The following FAM135A variants were observed in gnomAD, a reference collection of about 807,000 sequenced individuals.
FAM135A encodes the protein protein FAM135A.
Under a neutral mutation model 146.8 loss-of-function variants are expected in FAM135A, and 79 were observed. That is an observed-to-expected ratio of 0.54 (90% CI 0.45 to 0.65). The LOEUF is 0.65. Ranked by LOEUF, FAM135A falls within the 30% of genes least tolerant of loss-of-function variation. The probability of loss-of-function intolerance (pLI) is 0.00; values close to 1 mark genes in which losing one functional copy is unlikely to be tolerated. For missense variants in FAM135A, 1,623 were observed against 1,758.2 expected (o/e 0.92, Z 1.38); for synonymous variants, 562 against 603.6 (o/e 0.93, Z 1.01).
chr6:70,450,378 C>T (rs1390215449), intron 4 of FAM135A, among the ~76,000 whole-genome samples: 3 of 152,054 alleles, frequency 2.0e-5, no homozygotes, highest in Non-Finnish European at 4.4e-5. Flanking sequence ...CTTGTGTTTT[C>T]TTCTAGTAGT....
At chr6:70,486,871 G>T (rs1164085294) in intron 10 of FAM135A, among the ~76,000 whole-genome samples, 1 of 152,098 alleles carries the variant, frequency 6.6e-6, no homozygotes, top group Non-Finnish European at 1.5e-5. Flanking sequence ...AGATTGCAGT[G>T]AGCCGAGATC....
At chr6:70,557,109 C>T in intron 21 of FAM135A, 1 of 555,508 alleles carries the variant, frequency 1.8e-6, no homozygotes. Context: ...AGAAGTAGTT[C>T]ATACTTTGAT....
rs568321766 is a variant in FAM135A at position 70,420,469 on chromosome 6, C to T, written c.-134+5093C>T. ...ACGTCTCCCACATTTTTCCAGATATCCATGCCTGGACTCTCCTTTGTGGAT... is the reference window on the plus strand; with the variant it reads ...ACGTCTCCCACATTTTTCCAGATATTCATGCCTGGACTCTCCTTTGTGGAT... On this transcript the variant is annotated intron_variant, in intron 2 of 21. Transcript: ENST00000418814. 7.9e-5 allele frequency among the ~76,000 whole-genome samples: 12 copies of T among 152,310 alleles called. No homozygotes were observed. The South Asian group carries it at 2.3e-3, about 29-fold the overall frequency.
chr6:70,535,948 T>G (rs1796711279), intron 18 of FAM135A: 1 of 179,612 alleles, frequency 5.6e-6, no homozygotes, highest in Non-Finnish European at 1.2e-5. Flanking sequence ...AAGGCAAATA[T>G]GTAATCTAGT....
At chr6:70,453,740 T>C (rs564699239) in intron 5 of FAM135A, among the ~76,000 whole-genome samples, 2 of 152,278 alleles carry the variant, frequency 1.3e-5, no homozygotes, top group East Asian at 3.9e-4. Context: ...CAAAGGACAT[T>C]AACTCATCCA....
chr6:70,415,078 A>G (rs983011911), intron 1 of FAM135A, among the ~76,000 whole-genome samples: 2 of 152,218 alleles, frequency 1.3e-5, no homozygotes, highest in African/African-American at 4.8e-5. Context: ...CTTTAGAATT[A>G]GTGTGCTTAT....
intron 4 of FAM135A, among the ~76,000 whole-genome samples, chr6:70,444,076 T>C (rs1257121593): frequency 6.6e-6 from 1 of 152,238 alleles, no homozygotes; most frequent in Non-Finnish European, 1.5e-5. Flanking sequence ...GCTTACTTCA[T>C]ATTTTGTTTT....
intron 19 of FAM135A, among the ~76,000 whole-genome samples, chr6:70,538,015 G>A (rs922257985): frequency 1.3e-5 from 2 of 152,032 alleles, no homozygotes; most frequent in African/African-American, 2.4e-5. Flanking sequence ...TTTCCAGTTT[G>A]TTCTTCATAT....
At chr6:70,550,290 T>G (rs1799581101) in intron 20 of FAM135A, among the ~76,000 whole-genome samples, 1 of 152,192 alleles carries the variant, frequency 6.6e-6, no homozygotes, top group African/African-American at 2.4e-5. Context: ...AGCTTTTCAT[T>G]TTACTTTGCT....
At chr6:70,540,485 CA>C (rs1226339980) in intron 20 of FAM135A, among the ~76,000 whole-genome samples, 13 of 152,052 alleles carry the variant, frequency 8.5e-5, no homozygotes, top group Admixed American at 3.3e-4. Flanking sequence ...CCACCACGCC[CA>C]GCTAATTTTT....
intron 20 of FAM135A, among the ~76,000 whole-genome samples, chr6:70,544,982 C>T (rs1433905732): frequency 3.3e-5 from 5 of 151,126 alleles, no homozygotes; most frequent in Non-Finnish European, 5.9e-5. Context: ...ACCCAGGAGG[C>T]GTAGGATGCA....
chr6:70,457,049 T>C (rs1462340074), intron 5 of FAM135A, among the ~76,000 whole-genome samples: 2 of 152,212 alleles, frequency 1.3e-5, no homozygotes, highest in Non-Finnish European at 2.9e-5. Flanking sequence ...TCTGGACCTT[T>C]AAGAACACTT....
At chr6:70,439,591 A>G (rs559217602) in intron 4 of FAM135A, among the ~76,000 whole-genome samples, 1 of 152,292 alleles carries the variant, frequency 6.6e-6, no homozygotes, top group Non-Finnish European at 1.5e-5. Flanking sequence ...TAATCCATTT[A>G]TATTTAATGT....
chr6:70,437,078 A>G (rs527334134), intron 4 of FAM135A, among the ~76,000 whole-genome samples: 3 of 152,298 alleles, frequency 2.0e-5, no homozygotes, highest in South Asian at 4.1e-4. Context: ...TTAACTATAT[A>G]TATATAATAC....
intron 20 of FAM135A, among the ~76,000 whole-genome samples, chr6:70,549,221 T>C (rs907319778): frequency 6.6e-6 from 1 of 152,166 alleles, no homozygotes; most frequent in African/African-American, 2.4e-5. Flanking sequence ...GTCCTCTCCC[T>C]TCTGAAGTGG....
At position 70,525,064 on chromosome 6, in the gene FAM135A, G is replaced by A. The variant is rs1367575733; in HGVS notation, c.1980G>A (p.Lys660=). The change falls in exon 15 of 22, where the codon AAG becomes AAA. Residue 660 remains lysine, a synonymous_variant. Transcript: ENST00000418814. ...TGGGAGTTAGAACAATTGAAATAAA[G>A]CCCAGTAATAAAGATCCTTTCAGTG... ...PSLGVRTIEI[K]PSNKDPFSGE... is the part of the protein sequence containing the mutation. The A allele has an allele frequency of 2.5e-6, 4 of 1,585,882 alleles. No homozygotes were observed. The highest frequency in any genetic ancestry group is 3.4e-6 in the Non-Finnish European group (4 of 1,170,636).
intron 7 of FAM135A, among the ~76,000 whole-genome samples, chr6:70,476,234 C>T (rs1250844575): frequency 6.6e-6 from 1 of 152,156 alleles, no homozygotes; most frequent in Non-Finnish European, 1.5e-5. Context: ...GACATGCAGT[C>T]ATATGTTTTA....
intron 4 of FAM135A, among the ~76,000 whole-genome samples, chr6:70,443,535 C>T (rs56843033): frequency 0.025 from 3,784 of 152,296 alleles, 113 homozygotes; most frequent in African/African-American, 0.068. Context: ...CGAAATCAAT[C>T]TAAGGATGCC....
rs775731399 is a variant in FAM135A at position 70,524,937 on chromosome 6, T to C, written c.1853T>C (p.Leu618Pro). Residue 618 changes from leucine (L) to proline (P), a missense_variant, in exon 15 of 22, where the codon CTT becomes CCT. Leu to Pro is a moderately conservative substitution (Grantham distance 98). Transcript: ENST00000418814. ...LCANLSISGK[L>P]DISQDDSEIT... The stretch of plus-strand genomic sequence containing the variant: ...GCAAATTTGTCCATTTCAGGTAAAC[T>C]TGATATCTCCCAGGACGATAGTGAA... 9 of 1,611,536 alleles carry C rather than the reference T, an allele frequency of 5.6e-6. No homozygotes were observed. The Admixed American group carries it at 6.7e-5, about 12-fold the overall frequency.
Sources: gnomAD v4.1 joint callset for allele counts (sites outside exome capture counted in the v4.1 genomes callset) on GRCh38, gnomAD v4.1.1 for gene constraint, MANE v1.5 for transcripts, NCBI Gene and HGNC (gene_info 2026-07-23, HGNC 2026-07-21) for gene names.